KCNH1: variants seen among roughly 807,000 people sequenced by gnomAD.
KCNH1 encodes potassium voltage-gated channel subfamily H member 1, also known as voltage-gated delayed rectifier potassium channel KCNH1.
In KCNH1, 27 loss-of-function variants were observed where a neutral mutation model predicts 69.2. The ratio of observed to expected loss-of-function variants is 0.39; its 90% CI spans 0.29 to 0.54. The LOEUF (loss-of-function observed/expected upper bound fraction) is 0.54, where lower values mean the gene tolerates loss of function less well. Among genes scored for constraint, KCNH1 ranks in the 20% least tolerant of loss-of-function variants. The probability of loss-of-function intolerance (pLI) is 0.68; values close to 1 mark genes in which losing one functional copy is unlikely to be tolerated. For synonymous variants in KCNH1, 456 were observed against 487.7 expected (o/e 0.93, Z 0.86); for missense variants, 798 against 1,261.6 (o/e 0.63, Z 5.57).
chr1:210,734,362 T>C (rs761777920), intron 10 of KCNH1, among the ~76,000 whole-genome samples: 5 of 152,114 alleles, frequency 3.3e-5, no homozygotes, highest in Non-Finnish European at 7.4e-5. Context: ...ACAACATTGG[T>C]TGACTGTACT....
chr1:210,862,150 G>T, intron 7 of KCNH1: 1 of 1,341,664 alleles, frequency 7.5e-7, no homozygotes, highest in East Asian at 2.3e-5. Context: ...CAGCTGTTCC[G>T]ACATAGTAAT....
intron 7 of KCNH1, among the ~76,000 whole-genome samples, chr1:210,887,817 C>CATT (rs1686649858): frequency 6.6e-6 from 1 of 150,782 alleles, no homozygotes; most frequent in South Asian, 2.1e-4. Flanking sequence ...GAAAGAAGGC[C>CATT]ATTACGTAAT....
chr1:210,866,013 G>C (rs1438979624), intron 7 of KCNH1, among the ~76,000 whole-genome samples: 1 of 152,080 alleles, frequency 6.6e-6, no homozygotes, highest in African/African-American at 2.4e-5. Flanking sequence ...CAACTCAATG[G>C]GGGAATAAAA....
At chr1:210,868,616 C>T (rs1386233742) in intron 7 of KCNH1, among the ~76,000 whole-genome samples, 1 of 151,934 alleles carries the variant, frequency 6.6e-6, no homozygotes, top group East Asian at 1.9e-4. Context: ...TTTGTAGAAC[C>T]ATTTGTTGAA....
intron 2 of KCNH1, among the ~76,000 whole-genome samples, chr1:211,106,717 C>A (rs1453114279): frequency 6.6e-6 from 1 of 151,404 alleles, no homozygotes; most frequent in African/African-American, 2.4e-5. Flanking sequence ...ACTGCTTGAA[C>A]CCAGGAGACA....
rs749879815 is a variant in KCNH1 at position 211,024,479 on chromosome 1, T to C, written c.559-5223A>G. On this transcript the variant is annotated intron_variant, in intron 5 of 10. Coordinates refer to ENST00000271751, the MANE Select transcript of KCNH1 (RefSeq NM_172362.3). ...GAGTGGGAGGAGGCGAGGGAGAAGA[T>C]GCTAGATGAGCTCTGAAAGGAAAGC... 1.8e-3 allele frequency among the ~76,000 whole-genome samples: 281 copies of C among 152,188 alleles called. 2 individuals carry two copies. The highest frequency in any genetic ancestry group is 1.9e-3 in the Non-Finnish European group (128 of 68,024).
intron 7 of KCNH1, among the ~76,000 whole-genome samples, chr1:210,842,812 TG>T (rs952591994): frequency 1.3e-5 from 2 of 152,106 alleles, no homozygotes; most frequent in African/African-American, 4.8e-5. Flanking sequence ...TAGCTAAAGT[TG>T]TTTTTTTTCA....
intron 6 of KCNH1, among the ~76,000 whole-genome samples, chr1:210,976,179 G>A (rs1268923755): frequency 1.3e-5 from 2 of 152,084 alleles, no homozygotes; most frequent in African/African-American, 4.8e-5. Flanking sequence ...AACCATTGTG[G>A]AAGACAGTGT....
intron 5 of KCNH1, among the ~76,000 whole-genome samples, chr1:211,031,630 C>A (rs1322727220): frequency 6.6e-6 from 1 of 152,076 alleles, no homozygotes; most frequent in Middle Eastern, 3.2e-3. Flanking sequence ...AAAAATAATC[C>A]AGCAAATAAA....
At chr1:210,698,314 G>A (rs543034395) in intron 10 of KCNH1, among the ~76,000 whole-genome samples, 2 of 152,180 alleles carry the variant, frequency 1.3e-5, no homozygotes, top group South Asian at 4.2e-4. Flanking sequence ...CCATGGGCTG[G>A]TACCTCCCAC....
At chr1:211,018,490 A>G (rs542883716) in intron 6 of KCNH1, among the ~76,000 whole-genome samples, 2 of 152,360 alleles carry the variant, frequency 1.3e-5, no homozygotes, top group African/African-American at 4.8e-5. Context: ...TTGCCAGTGC[A>G]GTGGCCATGC....
chr1:211,024,106 T>C (rs1352184198), intron 5 of KCNH1, among the ~76,000 whole-genome samples: 1 of 152,176 alleles, frequency 6.6e-6, no homozygotes, highest in Non-Finnish European at 1.5e-5. Context: ...TATTTATTGC[T>C]CTATGCCCGG....
At chr1:210,805,383 A>T (rs748376599) in intron 7 of KCNH1, among the ~76,000 whole-genome samples, 1 of 152,200 alleles carries the variant, frequency 6.6e-6, no homozygotes, top group Non-Finnish European at 1.5e-5. Context: ...CAATAAAATC[A>T]TCACCACTAT....
At chr1:211,001,396 A>T (rs1443941550) in intron 6 of KCNH1, among the ~76,000 whole-genome samples, 1 of 152,246 alleles carries the variant, frequency 6.6e-6, no homozygotes, top group Non-Finnish European at 1.5e-5. Context: ...TTATGCAGCC[A>T]AAAGACACAT....
At chr1:210,927,848 AGGTAAAGGGGT>A (rs1687602566) in intron 6 of KCNH1, among the ~76,000 whole-genome samples, 1 of 152,176 alleles carries the variant, frequency 6.6e-6, no homozygotes, top group Admixed American at 6.5e-5. Context: ...CATAAACTTA[AGGTAAAGGGGT>A]GGAAAAAGAT....
intron 10 of KCNH1, among the ~76,000 whole-genome samples, chr1:210,768,803 A>G (rs1019214403): frequency 2.0e-5 from 3 of 152,144 alleles, no homozygotes; most frequent in Admixed American, 1.3e-4. Context: ...GAGCACTTTT[A>G]TTATCTTCCA....
At chr1:210,978,274 G>T (rs911293898) in intron 6 of KCNH1, among the ~76,000 whole-genome samples, 1 of 152,064 alleles carries the variant, frequency 6.6e-6, no homozygotes, top group South Asian at 2.1e-4. Context: ...TCCTGACCTC[G>T]TGATCTGCCT....
At chr1:210,993,041 G>A (rs1485258940) in intron 6 of KCNH1, among the ~76,000 whole-genome samples, 1 of 152,048 alleles carries the variant, frequency 6.6e-6, no homozygotes, top group Non-Finnish European at 1.5e-5. Flanking sequence ...CACCCACATC[G>A]CTGTGATCTG....
chr1:210,927,700 C>A (rs1336801308), intron 6 of KCNH1, among the ~76,000 whole-genome samples: 1 of 151,862 alleles, frequency 6.6e-6, no homozygotes, highest in East Asian at 1.9e-4. Flanking sequence ...TAGAATAATA[C>A]CTCAAATATC....
Sources: allele counts gnomAD v4.1 joint callset (sites outside exome capture counted in the v4.1 genomes callset), GRCh38; gene constraint gnomAD v4.1.1; transcripts MANE v1.5; gene names NCBI Gene and HGNC (gene_info 2026-07-23, HGNC 2026-07-21).